The following PLEKHA6 variants were observed in gnomAD, a reference collection of about 807,000 sequenced individuals.
PLEKHA6 encodes pleckstrin homology domain containing A6.
PLEKHA6 carries 60 observed loss-of-function variants against 116.7 expected under a neutral mutation model. The ratio of observed to expected loss-of-function variants is 0.51; its 90% CI spans 0.42 to 0.64. The LOEUF (loss-of-function observed/expected upper bound fraction) is 0.64. Among genes scored for constraint, PLEKHA6 ranks in the 30% least tolerant of loss-of-function variants. The pLI is 0.00. For synonymous variants in PLEKHA6, 489 were observed against 556.1 expected (o/e 0.88, Z 1.70); for missense variants, 1,338 against 1,422.7 (o/e 0.94, Z 0.96).
chr1:204,247,634 C>T (rs4245724), intron 12 of PLEKHA6, among the ~76,000 whole-genome samples, 174 bp from the exon 13 acceptor site: 100,865 of 151,972 alleles, frequency 0.66, 33,637 homozygotes, highest in East Asian at 0.82. Context: ...CAGCCAAACA[C>T]TAGCCTTACA....
intron 17 of PLEKHA6, 123 bp downstream of exon 17, chr1:204,241,252 G>A (rs557360323): frequency 1.9e-4 from 124 of 645,014 alleles, no homozygotes; most frequent in Admixed American, 1.7e-3. Flanking sequence ...CTCCTCTCAC[G>A]TGTTCCACCT....
Position 204,247,425 on chromosome 1 carries a change from G to C in PLEKHA6, c.1860C>G (p.Leu620=). 6.2e-7 allele frequency: 1 copy of C among 1,613,224 alleles called. No individual in the cohort carries two copies. Among genetic ancestry groups the C allele is most frequent in the Non-Finnish European group, 8.5e-7 (1 of 1,179,350 alleles). Residue 620 remains leucine, a synonymous_variant, in exon 13 of 23, where the codon CTC becomes CTG. Transcript: ENST00000272203. ...CGTGCAGGGCAGAGACCTCAGACTC[G>C]AGGTGCTCATACTCTATGGTGCTGT... ...LTNSTIEYEH[L]ESEVSALHDD...
Position 204,259,665 on chromosome 1 carries a change from C to T in PLEKHA6, c.600G>A (p.Lys200=), listed in dbSNP as rs371297930. 17 of 1,614,010 alleles carry T rather than the reference C, an allele frequency of 1.1e-5. No homozygotes were observed. In the African/African-American group the frequency reaches 2.0e-4, roughly 19 times the overall value. ...HQQPPHNSLP[K]PEPEAKTRGE... ...CTCGAGTCTTGGCCTCTGGCTCAGG[C>T]TTAGGGAGGCTGTTGTGGGGTGGCT... The change falls in exon 8 of 23, where the codon AAG becomes AAA. Residue 200 remains lysine (K), a synonymous_variant. Coordinates refer to ENST00000272203, the MANE Select transcript of PLEKHA6 (RefSeq NM_014935.5). The surrounding 1 kb of genome is among the most constrained non-coding windows in gnomAD (Gnocchi z 4.6).
intron 1 of PLEKHA6, among the ~76,000 whole-genome samples, chr1:204,356,632 A>C (rs1020372683): frequency 4.6e-5 from 7 of 152,066 alleles, no homozygotes; most frequent in African/African-American, 1.7e-4. Flanking sequence ...ATATGAAAAA[A>C]TGCTTTCTGT....
intron 1 of PLEKHA6, among the ~76,000 whole-genome samples, chr1:204,317,443 G>A (rs897112171): frequency 7.2e-5 from 11 of 152,146 alleles, no homozygotes; most frequent in Non-Finnish European, 4.4e-5. Context: ...CTCCTCAGCC[G>A]GCTCTGAGGG....
intron 1 of PLEKHA6, among the ~76,000 whole-genome samples, chr1:204,341,821 T>C (rs767858151): frequency 3.3e-5 from 5 of 152,156 alleles, no homozygotes; most frequent in Non-Finnish European, 5.9e-5. Context: ...TATCCAGTGG[T>C]TTGAAATACA....
chr1:204,294,629 A>G lies in PLEKHA6; in HGVS notation c.-94-19820T>C, dbSNP rs149698397. On this transcript the variant is annotated intron_variant, in intron 1 of 22. Transcript: ENST00000272203. The stretch of plus-strand genomic sequence containing the variant: ...TTTATTTTTATTGAGTTGAATCCGC[A>G]TTAGCCTTGAGATTTTTGGCTCTGG... Among the ~76,000 whole-genome samples the G allele has an allele frequency of 3.6e-3, 545 of 152,308 alleles. 4 individuals carry two copies. Among genetic ancestry groups the G allele is most frequent in the African/African-American group, 0.011 (457 of 41,564 alleles).
intron 1 of PLEKHA6, among the ~76,000 whole-genome samples, chr1:204,347,887 A>G (rs990734460): frequency 3.9e-5 from 6 of 152,162 alleles, no homozygotes; most frequent in Admixed American, 2.0e-4. Context: ...CCAATTTCAC[A>G]GTGTAAATCA....
intron 1 of PLEKHA6, among the ~76,000 whole-genome samples, chr1:204,278,618 T>G (rs1668266753): frequency 1.3e-5 from 2 of 152,234 alleles, no homozygotes; most frequent in African/African-American, 4.8e-5. Flanking sequence ...GACAAGTTGG[T>G]AGGATGTAAC....
In PLEKHA6 at chr1:204,357,983, CA is replaced by C. The variant is rs1277841448; in HGVS notation, c.-95+1710del. 2.6e-5 allele frequency among the ~76,000 whole-genome samples: 4 copies of C among 152,150 alleles called. 1 individual carries two copies. The highest frequency in any genetic ancestry group is 9.7e-5 in the African/African-American group (4 of 41,430). ...ACTCAATAATCCAGGCAGACACATT[CA>C]AAGTAATTATCTGTGTAAGGCGTCC... On this transcript the variant is annotated intron_variant, in intron 1 of 22. Coordinates refer to ENST00000272203, the MANE Select transcript of PLEKHA6 (RefSeq NM_014935.5).
intron 17 of PLEKHA6, among the ~76,000 whole-genome samples, chr1:204,235,389 C>T (rs1571791176): frequency 6.6e-6 from 1 of 152,262 alleles, no homozygotes; most frequent in East Asian, 1.9e-4. Context: ...TGGTTGGTTG[C>T]TCCTAAGTTC....
At position 204,295,579 on chromosome 1, in the gene PLEKHA6, T is replaced by C. The variant is rs1028650089; in HGVS notation, c.-94-20770A>G. Among the ~76,000 whole-genome samples, 4 of 152,004 alleles carry C rather than the reference T, an allele frequency of 2.6e-5. 1 individual carries two copies. Among genetic ancestry groups the C allele is most frequent in the Non-Finnish European group, 5.9e-5 (4 of 68,002 alleles). On this transcript the variant is annotated intron_variant, in intron 1 of 22. Coordinates refer to ENST00000272203, the MANE Select transcript of PLEKHA6 (RefSeq NM_014935.5). ...GGTGTGTAGCAAGTCCTTGTTCTCTTGGGGCCCACTAGACCTGAGAAAGGG... is the reference window on the plus strand; with the variant it reads ...GGTGTGTAGCAAGTCCTTGTTCTCTCGGGGCCCACTAGACCTGAGAAAGGG...
chr1:204,311,505 G>T, intron 1 of PLEKHA6: 3 of 530,240 alleles, frequency 5.7e-6, no homozygotes, highest in Non-Finnish European at 7.2e-6. Context: ...AAAAAAAAAA[G>T]TTATTCTGCT....
intron 1 of PLEKHA6, among the ~76,000 whole-genome samples, chr1:204,333,363 T>C (rs1336490276): frequency 6.6e-6 from 1 of 152,216 alleles, no homozygotes; most frequent in African/African-American, 2.4e-5. Context: ...GAGGAAGCTG[T>C]GGGCTGCAGA....
chr1:204,373,512 C>T (rs1450023199), intron 1 of PLEKHA6, among the ~76,000 whole-genome samples: 11 of 152,184 alleles, frequency 7.2e-5, no homozygotes, highest in Non-Finnish European at 1.6e-4. Context: ...AACCACAGCA[C>T]CCAGCTGTCT....
chr1:204,234,438 C>A (rs1029502745), intron 17 of PLEKHA6, among the ~76,000 whole-genome samples: 1 of 152,114 alleles, frequency 6.6e-6, no homozygotes, highest in Admixed American at 6.5e-5. Context: ...TCCTGGCAGC[C>A]CTAGGAAATT....
chr1:204,356,357 G>C (rs1039987310), intron 1 of PLEKHA6, among the ~76,000 whole-genome samples: 1 of 152,108 alleles, frequency 6.6e-6, no homozygotes, highest in South Asian at 2.1e-4. Flanking sequence ...TGGATCACTT[G>C]AGCACAGGAG....
chr1:204,279,195 G>A (rs1168475670), intron 1 of PLEKHA6, among the ~76,000 whole-genome samples: 1 of 152,148 alleles, frequency 6.6e-6, no homozygotes, highest in Non-Finnish European at 1.5e-5. Context: ...TTCAAGCTGA[G>A]CTCAGGGGCC....
intron 1 of PLEKHA6, among the ~76,000 whole-genome samples, chr1:204,298,861 C>A (rs1341422497): frequency 1.3e-5 from 2 of 152,222 alleles, no homozygotes; most frequent in African/African-American, 4.8e-5. Context: ...CTTCTCCAGG[C>A]AATTCTATTG....
Sources: gnomAD v4.1 joint callset for allele counts (sites outside exome capture counted in the v4.1 genomes callset) on GRCh38, gnomAD v4.1.1 for gene constraint, Gnocchi (gnomAD v3.1) non-coding constraint, MANE v1.5 for transcripts, NCBI Gene and HGNC (gene_info 2026-07-23, HGNC 2026-07-21) for gene names.